Variants in ADAM23 observed in about 807,000 individuals in gnomAD.
ADAM23 encodes ADAM metallopeptidase domain 23.
Under a neutral mutation model 120.1 loss-of-function variants are expected in ADAM23, and 33 were observed. The observed-to-expected ratio is 0.27, with a 90% CI of 0.21 to 0.37. ADAM23 has a LOEUF of 0.37. ADAM23 is among the 10% of genes least tolerant of loss of function. The pLI, the probability that ADAM23 is intolerant of heterozygous loss-of-function variation, is 1.00. For missense variants in ADAM23, 862 were observed against 1,058.2 expected, an observed-to-expected ratio of 0.81 and a Z score of 2.57; for synonymous variants, 367 against 375.2, an observed-to-expected ratio of 0.98 and a Z score of 0.25.
intron 24 of ADAM23, chr2:206,605,747 G>A (rs1188796027): frequency 5.7e-6 from 4 of 702,150 alleles, no homozygotes; most frequent in East Asian, 5.4e-5. Flanking sequence ...AAATTAGTAT[G>A]TAATTTCCTT....
At chr2:206,538,865 T>A (rs1697234900) in intron 4 of ADAM23, among the ~76,000 whole-genome samples, 1 of 152,138 alleles carries the variant, frequency 6.6e-6, no homozygotes, top group Non-Finnish European at 1.5e-5. Flanking sequence ...CCTCCCTCCT[T>A]GGCCTCCCAA....
At chr2:206,595,229 C>T (rs771278023) in intron 23 of ADAM23, among the ~76,000 whole-genome samples, 1 of 152,156 alleles carries the variant, frequency 6.6e-6, no homozygotes, top group Non-Finnish European at 1.5e-5. Flanking sequence ...TAATCACAAT[C>T]ATGGTATTAG....
chr2:206,526,157 C>G (rs71409829), intron 3 of ADAM23, among the ~76,000 whole-genome samples: 11,141 of 150,800 alleles, frequency 0.074, 432 homozygotes, highest in Middle Eastern at 0.11. Flanking sequence ...CACACACACA[C>G]ACACACACAC....
At chr2:206,531,019 C>A in intron 4 of ADAM23, 71 bp downstream of exon 4, 1 of 1,265,444 alleles carries the variant, frequency 7.9e-7, no homozygotes, top group Non-Finnish European at 1.1e-6. Flanking sequence ...GTGCACACTG[C>A]GTTGTTTTGA....
At chr2:206,511,016 T>C (rs1696612234) in intron 3 of ADAM23, among the ~76,000 whole-genome samples, 1 of 152,206 alleles carries the variant, frequency 6.6e-6, no homozygotes, top group Admixed American at 6.5e-5. Flanking sequence ...CCATGTGTTT[T>C]ATTTAGGAGT....
At chr2:206,528,406 T>C (rs1696983946) in intron 3 of ADAM23, among the ~76,000 whole-genome samples, 1 of 152,256 alleles carries the variant, frequency 6.6e-6, no homozygotes, top group Non-Finnish European at 1.5e-5. Flanking sequence ...TACCACAATT[T>C]AGTTTCAAGT....
chr2:206,487,757 A>G (rs1257592900), intron 3 of ADAM23, among the ~76,000 whole-genome samples: 1 of 152,192 alleles, frequency 6.6e-6, no homozygotes, highest in Non-Finnish European at 1.5e-5. Flanking sequence ...TTCTTGGTTA[A>G]AAAGGCAGCA....
intron 25 of ADAM23, among the ~76,000 whole-genome samples, chr2:206,613,591 T>C (rs1357019016): frequency 6.6e-6 from 1 of 152,176 alleles, no homozygotes; most frequent in Non-Finnish European, 1.5e-5. Flanking sequence ...TGAGCTGTGG[T>C]GCAGAGGATT....
At chr2:206,615,026 G>C (rs1574568340) in intron 25 of ADAM23, among the ~76,000 whole-genome samples, 1 of 152,238 alleles carries the variant, frequency 6.6e-6, no homozygotes, top group African/African-American at 2.4e-5. Context: ...GTTGGGCTAG[G>C]GACACTTCGT....
chr2:206,496,136 C>G (rs12469895), intron 3 of ADAM23, among the ~76,000 whole-genome samples: 43,615 of 151,948 alleles, frequency 0.29, 6,332 homozygotes, highest in South Asian at 0.32. Context: ...GAACTCAGCT[C>G]TGCACCAAGC....
intron 9 of ADAM23, among the ~76,000 whole-genome samples, chr2:206,553,967 A>G (rs1411535209): frequency 6.6e-6 from 1 of 152,162 alleles, no homozygotes; most frequent in Non-Finnish European, 1.5e-5. Context: ...TAAGGATTGC[A>G]TGTGTTCAGG....
intron 24 of ADAM23, among the ~76,000 whole-genome samples, chr2:206,602,354 A>T (rs1386043296): frequency 6.6e-6 from 1 of 152,184 alleles, no homozygotes; most frequent in African/African-American, 2.4e-5. Context: ...GTATCTAAAA[A>T]TGAACTTGTT....
chr2:206,519,884 C>T (rs1696809510), intron 3 of ADAM23, among the ~76,000 whole-genome samples: 1 of 151,994 alleles, frequency 6.6e-6, no homozygotes, highest in South Asian at 2.1e-4. Context: ...CATGGTGGCA[C>T]ATGCCTGTGG....
intron 21 of ADAM23, among the ~76,000 whole-genome samples, chr2:206,590,843 C>T (rs1178685124): frequency 1.3e-5 from 2 of 152,116 alleles, no homozygotes; most frequent in African/African-American, 2.4e-5. Context: ...GATTGGACAT[C>T]TTGAATTTGA....
chr2:206,490,661 A>C (rs1025375616), intron 3 of ADAM23, among the ~76,000 whole-genome samples: 1 of 152,198 alleles, frequency 6.6e-6, no homozygotes, highest in African/African-American at 2.4e-5. Flanking sequence ...TAGTATTCTA[A>C]GCTTTCTAGT....
chr2:206,507,304 G>A (rs995286522), intron 3 of ADAM23, among the ~76,000 whole-genome samples: 2 of 152,086 alleles, frequency 1.3e-5, no homozygotes, highest in Non-Finnish European at 2.9e-5. Flanking sequence ...GAGCATGGGG[G>A]CAGACTTCTC....
intron 2 of ADAM23, among the ~76,000 whole-genome samples, chr2:206,464,089 C>A (rs1695488356): frequency 1.3e-5 from 2 of 152,132 alleles, no homozygotes; most frequent in South Asian, 2.1e-4. Flanking sequence ...GCTCATTTGA[C>A]AGATTTAAAC....
intron 3 of ADAM23, among the ~76,000 whole-genome samples, chr2:206,504,998 A>G (rs574719910): frequency 2.0e-5 from 3 of 152,342 alleles, no homozygotes; most frequent in Admixed American, 6.5e-5. Flanking sequence ...TGGGACTGAG[A>G]ATATGTTTTG....
At chr2:206,519,859 A>G (rs1696808833) in intron 3 of ADAM23, among the ~76,000 whole-genome samples, 1 of 152,042 alleles carries the variant, frequency 6.6e-6, no homozygotes, top group South Asian at 2.1e-4. Flanking sequence ...AAAAAAATAA[A>G]AAAGATAAGC....
Sources: gnomAD v4.1 joint callset for allele counts (sites outside exome capture counted in the v4.1 genomes callset) on GRCh38, gnomAD v4.1.1 for gene constraint, MANE v1.5 for transcripts, NCBI Gene and HGNC (gene_info 2026-07-23, HGNC 2026-07-21) for gene names.